Variants in OR2C1 observed in about 807,000 individuals in gnomAD.
The protein encoded by OR2C1 is olfactory receptor family 2 subfamily C member 1, also known as olfactory receptor 2C1.
For synonymous variants in OR2C1, 209 were observed against 167.3 expected, an observed-to-expected ratio of 1.25 and a Z score of -1.92; for missense variants, 468 against 388.3, an observed-to-expected ratio of 1.21 and a Z score of -1.73.
At chr16:3,347,786 A>G in the OR2C1 span, among the ~76,000 whole-genome samples, 2 of 151,838 alleles carry the variant, frequency 1.3e-5, no homozygotes, top group South Asian at 2.1e-4. Context: ...GCACACACGC[A>G]CACACACATG....
At chr16:3,353,781 A>T (rs980116838), upstream of OR2C1, among the ~76,000 whole-genome samples, 1 of 151,978 alleles carries the variant, frequency 6.6e-6, no homozygotes, top group Non-Finnish European at 1.5e-5. Flanking sequence ...AGCCTGGGTG[A>T]CACTGCTAGA....
the OR2C1 span, among the ~76,000 whole-genome samples, chr16:3,349,438 C>A: frequency 6.6e-6 from 1 of 152,158 alleles, no homozygotes; most frequent in Non-Finnish European, 1.5e-5. Context: ...ACTCCAGGGC[C>A]AGAAGAGCCC....
At chr16:3,338,687 G>C in the OR2C1 span, among the ~76,000 whole-genome samples, 1 of 151,928 alleles carries the variant, frequency 6.6e-6, no homozygotes, top group Non-Finnish European at 1.5e-5. Flanking sequence ...ACAGGCGCCC[G>C]CCAGCACGCC....
chr16:3,350,393 T>G, the OR2C1 span, among the ~76,000 whole-genome samples: 1 of 148,912 alleles, frequency 6.7e-6, no homozygotes, highest in Non-Finnish European at 1.5e-5. Context: ...GGTTGGTTGG[T>G]TTTTTTGTTT....
chr16:3,333,211 A>ATTTTTTTTTT, the OR2C1 span, among the ~76,000 whole-genome samples: 2 of 65,846 alleles, frequency 3.0e-5, no homozygotes, highest in African/African-American at 6.2e-5. Context: ...TCTTTTGCCC[A>ATTTTTTTTTT]TTTTTTTTTT....
At chr16:3,349,476 G>A in the OR2C1 span, among the ~76,000 whole-genome samples, 156 of 152,254 alleles carry the variant, frequency 1.0e-3, no homozygotes, top group African/African-American at 3.7e-3. Flanking sequence ...GCCCCAGTTC[G>A]CGGACAGGAG....
chr16:3,330,325 C>G, the OR2C1 span, among the ~76,000 whole-genome samples: 3 of 151,760 alleles, frequency 2.0e-5, no homozygotes, highest in Admixed American at 6.6e-5. Context: ...ATCGTGTTAT[C>G]CAGGATGGTC....
chr16:3,323,312 G>T, the OR2C1 span: 9 of 1,043,218 alleles, frequency 8.6e-6, no homozygotes, highest in East Asian at 2.1e-4. Flanking sequence ...AAGGGCAAAA[G>T]AACCATGAGA....
At position 3,356,638 on chromosome 16, in the gene OR2C1, G is replaced by T. The variant is rs1357165919; in HGVS notation, c.698G>T (p.Gly233Val). 3.1e-6 allele frequency: 5 copies of T among 1,614,010 alleles called. No homozygotes were observed. The East Asian group carries it at 8.9e-5, about 29-fold the overall frequency. Residue 233 changes from glycine (G) to valine (V), a missense_variant, in exon 1 of 1, where the codon GGG becomes GTG. Coordinates refer to ENST00000304936, the MANE Select transcript of OR2C1 (RefSeq NM_012368.3). ...QAVLKIRSAE[G>V]RRKAFNTCLS... ...GTGCTGAAAATCCGCTCTGCAGAGG[G>T]GAGGCGAAAGGCGTTCAATACGTGC...
At chr16:3,345,168 A>C in the OR2C1 span, among the ~76,000 whole-genome samples, 56 of 152,150 alleles carry the variant, frequency 3.7e-4, no homozygotes, top group African/African-American at 1.3e-3. Context: ...GGAAAAAGTG[A>C]ATTAAAAAGT....
chr16:3,336,877 T>A, the OR2C1 span, among the ~76,000 whole-genome samples: 1 of 151,708 alleles, frequency 6.6e-6, no homozygotes, highest in African/African-American at 2.4e-5. Flanking sequence ...CCTGGCTAAT[T>A]TTGTAATTTT....
the OR2C1 span, among the ~76,000 whole-genome samples, chr16:3,340,710 T>G: frequency 6.6e-6 from 1 of 152,196 alleles, no homozygotes; most frequent in Non-Finnish European, 1.5e-5. Context: ...ATTCTTTCCC[T>G]CACTGACATT....
the OR2C1 span, among the ~76,000 whole-genome samples, chr16:3,343,450 A>T: frequency 6.6e-6 from 1 of 152,054 alleles, no homozygotes; most frequent in Middle Eastern, 3.2e-3. Context: ...TACATTTTTC[A>T]TTTAAAATTG....
At chr16:3,323,100 G>T in the OR2C1 span, 1 of 524,994 alleles carries the variant, frequency 1.9e-6, no homozygotes, top group Non-Finnish European at 3.1e-6. Context: ...AGTCTTTGAA[G>T]ATACTTGATA....
chr16:3,334,094 T>G, the OR2C1 span, among the ~76,000 whole-genome samples: 1 of 151,892 alleles, frequency 6.6e-6, no homozygotes, highest in African/African-American at 2.4e-5. Flanking sequence ...TAACTCAGCC[T>G]TCTGAGTAGC....
chr16:3,328,885 G>C, the OR2C1 span, among the ~76,000 whole-genome samples: 2 of 152,080 alleles, frequency 1.3e-5, no homozygotes, highest in African/African-American at 4.8e-5. Flanking sequence ...GCCAGGGCCT[G>C]ACCTTTGGTC....
chr16:3,328,873 C>T, the OR2C1 span, among the ~76,000 whole-genome samples: 19 of 152,238 alleles, frequency 1.2e-4, no homozygotes, highest in South Asian at 3.9e-3. Flanking sequence ...TGGTGGAGAA[C>T]AGCCAGGGCC....
At chr16:3,324,429 A>G in the OR2C1 span, among the ~76,000 whole-genome samples, 3 of 152,172 alleles carry the variant, frequency 2.0e-5, no homozygotes, top group South Asian at 2.1e-4. Flanking sequence ...AGCTCAGGCA[A>G]TTCACCTGCA....
At chr16:3,323,271 T>C in the OR2C1 span, 1 of 839,512 alleles carries the variant, frequency 1.2e-6, no homozygotes, top group Admixed American at 1.7e-5. Flanking sequence ...CACTGTATTT[T>C]TGGTAGCATG....
Sources: gnomAD v4.1 joint callset for allele counts (sites outside exome capture counted in the v4.1 genomes callset) on GRCh38, gnomAD v4.1.1 for gene constraint, MANE v1.5 for transcripts, NCBI Gene and HGNC (gene_info 2026-07-23, HGNC 2026-07-21) for gene names.